Variants in ANGPT1 observed in about 807,000 individuals in gnomAD.
The protein encoded by ANGPT1 is angiopoietin-1.
Under a neutral mutation model 62.2 loss-of-function variants are expected in ANGPT1, and 17 were observed. That is an observed-to-expected ratio of 0.27 (90% CI 0.19 to 0.41). ANGPT1 has a LOEUF of 0.41. Among genes scored for constraint, ANGPT1 ranks in the 10% least tolerant of loss-of-function variants. The probability of loss-of-function intolerance (pLI) is 1.00; values close to 1 mark genes in which losing one functional copy is unlikely to be tolerated. For synonymous variants in ANGPT1, 199 were observed against 198.9 expected (o/e 1.00, Z 0.00); for missense variants, 478 against 594.9 (o/e 0.80, Z 2.04).
intron 1 of ANGPT1, among the ~76,000 whole-genome samples, chr8:107,363,041 G>A (rs1816197889): frequency 6.6e-6 from 1 of 151,186 alleles, no homozygotes; most frequent in South Asian, 2.1e-4. Context: ...TTTTTAACAT[G>A]GTGCTATGGA....
chr8:107,496,622 C>T (rs901651598), intron 1 of ANGPT1, among the ~76,000 whole-genome samples: 1 of 152,118 alleles, frequency 6.6e-6, no homozygotes, highest in Admixed American at 6.5e-5. Context: ...CCCTTTCCGA[C>T]AGTTAACATT....
intron 1 of ANGPT1, among the ~76,000 whole-genome samples, chr8:107,477,895 A>G (rs1812575118): frequency 6.6e-6 from 1 of 152,156 alleles, no homozygotes; most frequent in Non-Finnish European, 1.5e-5. Context: ...AAGTCTTTAC[A>G]TGAAAGTAAA....
At chr8:107,329,181 A>G (rs1815362797) in intron 3 of ANGPT1, among the ~76,000 whole-genome samples, 1 of 152,044 alleles carries the variant, frequency 6.6e-6, no homozygotes, top group African/African-American at 2.4e-5. Flanking sequence ...AAATATGCAC[A>G]CTCTATATAT....
intron 1 of ANGPT1, among the ~76,000 whole-genome samples, chr8:107,353,463 C>T (rs1310954692): frequency 2.0e-5 from 3 of 152,146 alleles, no homozygotes; most frequent in Non-Finnish European, 2.9e-5. Flanking sequence ...TTTGCCTTTG[C>T]TGATTCCTGA....
chr8:107,403,378 A>G (rs72672593), intron 1 of ANGPT1, among the ~76,000 whole-genome samples: 1 of 152,286 alleles, frequency 6.6e-6, no homozygotes, highest in Non-Finnish European at 1.5e-5. Flanking sequence ...GAGAACGTGA[A>G]TAACTGTTAT....
In ANGPT1 at chr8:107,483,657, T is replaced by G. The variant is rs115097713; in HGVS notation, c.297+13605A>C. On this transcript the variant is annotated intron_variant, in intron 1 of 8. Transcript: ENST00000517746. The stretch of plus-strand genomic sequence containing the variant: ...AGAATATTACAAATAGTACCCAATT[T>G]ATTAATGTTGAAGATGTTAAATGAT... Among the ~76,000 whole-genome samples, 807 of 152,290 alleles carry G rather than the reference T, an allele frequency of 5.3e-3. 7 individuals carry two copies. The highest frequency in any genetic ancestry group is 0.019 in the African/African-American group (781 of 41,588).
chr8:107,492,367 G>A lies in ANGPT1; in HGVS notation c.297+4895C>T, dbSNP rs1012632535. ...TTTATTTTTTTTGAGATGGAGTCCCGCTCTGTCATTCAGGCTGGAGTGCAG... is the reference window on the plus strand; with the variant it reads ...TTTATTTTTTTTGAGATGGAGTCCCACTCTGTCATTCAGGCTGGAGTGCAG... On this transcript the variant is annotated intron_variant, in intron 1 of 8. Transcript: ENST00000517746. Among the ~76,000 whole-genome samples the A allele has an allele frequency of 5.9e-5, 9 of 152,022 alleles. No individual in the cohort carries two copies. The East Asian group carries it at 1.5e-3, about 26-fold the overall frequency.
At chr8:107,435,895 T>G (rs79612024) in intron 1 of ANGPT1, among the ~76,000 whole-genome samples, 6,998 of 152,180 alleles carry the variant, frequency 0.046, 168 homozygotes, top group Middle Eastern at 0.068. Flanking sequence ...TACAATACAA[T>G]TTTACTGATT....
chr8:107,418,300 G>C (rs543749496), intron 1 of ANGPT1, among the ~76,000 whole-genome samples: 3 of 152,084 alleles, frequency 2.0e-5, no homozygotes, highest in African/African-American at 7.2e-5. Flanking sequence ...AGCTGAGTAC[G>C]ATATAAGCTT....
intron 1 of ANGPT1, among the ~76,000 whole-genome samples, chr8:107,430,799 G>C (rs1287708417): frequency 6.6e-6 from 1 of 152,074 alleles, no homozygotes; most frequent in African/African-American, 2.4e-5. Context: ...AACCAACTTT[G>C]CCTACACCTT....
At chr8:107,259,935 T>C (rs1291042287) in intron 8 of ANGPT1, among the ~76,000 whole-genome samples, 1 of 152,122 alleles carries the variant, frequency 6.6e-6, no homozygotes, top group Non-Finnish European at 1.5e-5. Context: ...ATACAATAAA[T>C]CTATACAAAA....
At chr8:107,389,478 G>T (rs1816793509) in intron 1 of ANGPT1, among the ~76,000 whole-genome samples, 1 of 152,088 alleles carries the variant, frequency 6.6e-6, no homozygotes, top group Non-Finnish European at 1.5e-5. Context: ...TCACAATAAT[G>T]AATGTGACAG....
chr8:107,414,203 T>A (rs1028173732), intron 1 of ANGPT1, among the ~76,000 whole-genome samples: 3 of 152,064 alleles, frequency 2.0e-5, no homozygotes, highest in Non-Finnish European at 1.5e-5. Context: ...AAGGAGTAAG[T>A]GGGCCCCCAA....
At chr8:107,456,606 G>C (rs1367188036) in intron 1 of ANGPT1, among the ~76,000 whole-genome samples, 1 of 151,906 alleles carries the variant, frequency 6.6e-6, no homozygotes, top group Non-Finnish European at 1.5e-5. Context: ...CTGAGCAAAG[G>C]GGAAGGTGAA....
intron 3 of ANGPT1, 103 bp from the exon 4 acceptor site, chr8:107,322,231 C>T: frequency 2.5e-6 from 2 of 804,456 alleles, no homozygotes; most frequent in South Asian, 3.8e-5. Flanking sequence ...AGAAATTTTA[C>T]ATTTCACTGT....
chr8:107,423,104 C>A (rs965306217), intron 1 of ANGPT1, among the ~76,000 whole-genome samples: 1 of 152,186 alleles, frequency 6.6e-6, no homozygotes, highest in Admixed American at 6.5e-5. Context: ...CACATCTCTT[C>A]ACAACTCTGC....
Position 107,251,064 on chromosome 8 carries a change from T to C in ANGPT1, c.*791A>G, listed in dbSNP as rs1813238900. The C allele has an allele frequency of 6.6e-6, 1 of 152,148 alleles. No homozygotes were observed. Among genetic ancestry groups the C allele is most frequent in the Non-Finnish European group, 1.5e-5 (1 of 68,000 alleles). The allele number at this position is 152,148 out of a possible 1,614,324, so 9.4% of individuals were successfully genotyped here. On this transcript the variant is annotated 3_prime_UTR_variant, in exon 9 of 9. Coordinates refer to ENST00000517746, the MANE Select transcript of ANGPT1 (RefSeq NM_001146.5). ...ATATATTTATATATCATTCAATCAG[T>C]TTTTAGAGTAAATGAAAACCATAGT... is the stretch of plus-strand genomic sequence containing the variant.
At chr8:107,367,422 C>T (rs1235876207) in intron 1 of ANGPT1, among the ~76,000 whole-genome samples, 5 of 152,156 alleles carry the variant, frequency 3.3e-5, no homozygotes, top group African/African-American at 1.2e-4. Flanking sequence ...TGACTGCTGA[C>T]TGATCAGGGT....
intron 1 of ANGPT1, among the ~76,000 whole-genome samples, chr8:107,394,582 G>A (rs1311419206): frequency 2.6e-5 from 4 of 152,106 alleles, no homozygotes; most frequent in South Asian, 4.1e-4. Context: ...ATGACAAAGC[G>A]CCTGCTTTTT....
Sources: allele counts gnomAD v4.1 joint callset (sites outside exome capture counted in the v4.1 genomes callset), GRCh38; gene constraint gnomAD v4.1.1; transcripts MANE v1.5; gene names NCBI Gene and HGNC (gene_info 2026-07-23, HGNC 2026-07-21).